The following NEK10 variants were observed in gnomAD, a reference collection of about 807,000 sequenced individuals.
NEK10 encodes the protein NIMA related kinase 10.
NEK10 carries 122 observed loss-of-function variants against 159.8 expected under a neutral mutation model. The observed-to-expected ratio is 0.76, with a 90% CI of 0.66 to 0.89. The LOEUF (loss-of-function observed/expected upper bound fraction) is 0.89. Among genes scored for constraint, NEK10 ranks in the 40% least tolerant of loss-of-function variants. NEK10 has a pLI of 0.00. For missense variants in NEK10, 1,342 were observed against 1,323.1 expected, an observed-to-expected ratio of 1.01 and a Z score of -0.22; for synonymous variants, 466 against 457.1, an observed-to-expected ratio of 1.02 and a Z score of -0.25.
intron 22 of NEK10, among the ~76,000 whole-genome samples, chr3:27,279,870 C>A (rs1344337242): frequency 6.6e-6 from 1 of 151,970 alleles, no homozygotes; most frequent in African/African-American, 2.4e-5. Flanking sequence ...AGCTAAACGG[C>A]CTTAAAATCT....
At chr3:27,287,436 A>G (rs2042700565) in intron 20 of NEK10, among the ~76,000 whole-genome samples, 1 of 152,220 alleles carries the variant, frequency 6.6e-6, no homozygotes, top group South Asian at 2.1e-4. Flanking sequence ...ATTTTTTTGT[A>G]TATGAGAATA....
chr3:27,354,401 G>C (rs966560724), intron 1 of NEK10, among the ~76,000 whole-genome samples: 1 of 152,160 alleles, frequency 6.6e-6, no homozygotes, highest in Non-Finnish European at 1.5e-5. Context: ...GAGCTGGAAG[G>C]CTGAATATAA....
chr3:27,260,296 C>G (rs1336360645), intron 22 of NEK10, among the ~76,000 whole-genome samples: 1 of 152,104 alleles, frequency 6.6e-6, no homozygotes, highest in African/African-American at 2.4e-5. Flanking sequence ...CTGTCTTGTG[C>G]CAGTTTTCAA....
intron 31 of NEK10, among the ~76,000 whole-genome samples, chr3:27,133,516 T>C (rs1575441847): frequency 6.6e-6 from 1 of 152,374 alleles, no homozygotes; most frequent in East Asian, 1.9e-4. Context: ...GGCTTATGCC[T>C]TTAATCCCAG....
chr3:27,345,981 A>G, intron 4 of NEK10, 105 bp downstream of exon 4: 1 of 912,032 alleles, frequency 1.1e-6, no homozygotes, highest in Non-Finnish European at 1.6e-6. Flanking sequence ...GCTATGGTAA[A>G]TTTTGAAGCG....
In NEK10 at chr3:27,128,894, G is replaced by A. The variant is rs531673685; in HGVS notation, c.3081+2986C>T. Among the ~76,000 whole-genome samples the A allele has an allele frequency of 2.0e-5, 3 of 152,208 alleles. No homozygotes were observed. The East Asian group carries it at 5.8e-4, about 29-fold the overall frequency. ...CCAAAATCACCTATATCCCCAAGGA[G>A]TCATGGGTGGAGGAGCTCATTGCTG... On this transcript the variant is annotated intron_variant, in intron 32 of 35. Transcript: ENST00000691995.
At chr3:27,273,320 C>A (rs1167424906) in intron 22 of NEK10, among the ~76,000 whole-genome samples, 1 of 152,114 alleles carries the variant, frequency 6.6e-6, no homozygotes, top group Non-Finnish European at 1.5e-5. Context: ...TCAAACATGT[C>A]TTTTTCGTTA....
At chr3:27,120,252 A>AT (rs909324508) in intron 32 of NEK10, among the ~76,000 whole-genome samples, 24 of 149,894 alleles carry the variant, frequency 1.6e-4, no homozygotes, top group Admixed American at 3.3e-4. Flanking sequence ...CCAAATCACT[A>AT]TTTTTTTTTC....
At chr3:27,294,120 G>T (rs2043182913) in intron 15 of NEK10, among the ~76,000 whole-genome samples, 1 of 152,200 alleles carries the variant, frequency 6.6e-6, no homozygotes, top group Admixed American at 6.5e-5. Flanking sequence ...TGACAAATTG[G>T]TCTCTTGAGT....
intron 3 of NEK10, among the ~76,000 whole-genome samples, chr3:27,348,024 A>T (rs1368307337): frequency 2.0e-5 from 3 of 152,188 alleles, no homozygotes; most frequent in Non-Finnish European, 4.4e-5. Context: ...TTTAATCCTC[A>T]TAATTATTCC....
intron 23 of NEK10, among the ~76,000 whole-genome samples, chr3:27,237,632 G>A (rs1364680827): frequency 2.0e-5 from 3 of 151,778 alleles, no homozygotes; most frequent in Non-Finnish European, 4.4e-5. Flanking sequence ...TGATATAATG[G>A]ATTTTGGGAA....
At chr3:27,220,139 G>A (rs1401875468) in intron 23 of NEK10, among the ~76,000 whole-genome samples, 2 of 152,138 alleles carry the variant, frequency 1.3e-5, no homozygotes, top group Non-Finnish European at 2.9e-5. Flanking sequence ...TGTTTAAATG[G>A]CTGCATTAGT....
chr3:27,329,740 C>T (rs556233893), intron 5 of NEK10, among the ~76,000 whole-genome samples: 1 of 152,136 alleles, frequency 6.6e-6, no homozygotes, highest in Non-Finnish European at 1.5e-5. Flanking sequence ...TAGTAAAGAA[C>T]AAGGGAATCC....
chr3:27,153,298 C>T lies in NEK10; in HGVS notation c.2869+9403G>A, dbSNP rs540297839. Among the ~76,000 whole-genome samples, 11 of 142,856 alleles carry T rather than the reference C, an allele frequency of 7.7e-5. No individual in the cohort carries two copies. In the South Asian group the frequency reaches 1.3e-3, roughly 17 times the overall value. 93.7% of individuals were successfully genotyped at this position (142,856 alleles called of 152,430 possible). ...TCGTGCCACTGCACTCCAGCCTGGG[C>T]GACAGAGCGAGACTCCATCTCAAAA... On this transcript the variant is annotated intron_variant, in intron 30 of 35. Transcript: ENST00000691995.
At chr3:27,282,345 GA>G (rs2042221299) in intron 22 of NEK10, among the ~76,000 whole-genome samples, 1 of 151,136 alleles carries the variant, frequency 6.6e-6, no homozygotes, top group Non-Finnish European at 1.5e-5. Flanking sequence ...TATAAGTTTA[GA>G]AAAAAATAAA....
rs146252871 is a variant in NEK10 at position 27,247,958 on chromosome 3, C to T, written c.2090+8338G>A. ...TTGTGTAGGATTGGTATTAGTTATT[C>T]TTTAAACATCTGGTAGCATTCAACA... On this transcript the variant is annotated intron_variant, in intron 23 of 35. Transcript: ENST00000691995. Among the ~76,000 whole-genome samples the T allele has an allele frequency of 3.0e-3, 447 of 150,818 alleles. 4 individuals carry two copies. Among genetic ancestry groups the T allele is most frequent in the African/African-American group, 9.2e-3 (378 of 41,116 alleles).
intron 1 of NEK10, among the ~76,000 whole-genome samples, chr3:27,363,528 G>C (rs2048834241): frequency 6.6e-6 from 1 of 152,204 alleles, no homozygotes; most frequent in African/African-American, 2.4e-5. Flanking sequence ...TGTAGATATG[G>C]AGAGTAGAGA....
intron 26 of NEK10, among the ~76,000 whole-genome samples, chr3:27,187,070 G>C (rs1428214120): frequency 6.6e-6 from 1 of 152,174 alleles, no homozygotes; most frequent in Non-Finnish European, 1.5e-5. Context: ...GGCATCATGG[G>C]TAATTCTTTG....
intron 30 of NEK10, among the ~76,000 whole-genome samples, chr3:27,145,134 CAA>C (rs11374645): frequency 4.9e-5 from 7 of 143,734 alleles, no homozygotes; most frequent in East Asian, 4.1e-4. Flanking sequence ...GACTGTTCAC[CAA>C]AAAAAAAAAG....
Sources: gnomAD v4.1 joint callset for allele counts (sites outside exome capture counted in the v4.1 genomes callset) on GRCh38, gnomAD v4.1.1 for gene constraint, MANE v1.5 for transcripts, NCBI Gene and HGNC (gene_info 2026-07-23, HGNC 2026-07-21) for gene names.